The following ABCC4 variants were observed in gnomAD, a reference collection of about 807,000 sequenced individuals.
The protein encoded by ABCC4 is ATP-binding cassette sub-family C member 4.
In ABCC4, 102 loss-of-function variants were observed where a neutral mutation model predicts 168.5. That is an observed-to-expected ratio of 0.61 (90% confidence interval 0.52 to 0.71). The LOEUF is 0.71. Among genes scored for constraint, ABCC4 ranks in the 30% least tolerant of loss-of-function variants. The pLI is 0.00. For synonymous variants in ABCC4, 617 were observed against 590.7 expected (o/e 1.04, Z -0.65); for missense variants, 1,402 against 1,605.8 (o/e 0.87, Z 2.17).
intron 1 of ABCC4, among the ~76,000 whole-genome samples, chr13:95,255,873 T>C (rs1275393829): frequency 1.3e-5 from 2 of 152,196 alleles, no homozygotes; most frequent in Non-Finnish European, 2.9e-5. Context: ...ACAGCCTTCT[T>C]GTCTCCCTGT....
At chr13:95,028,468 C>A (rs1275769970) in intron 30 of ABCC4, among the ~76,000 whole-genome samples, 2 of 151,922 alleles carry the variant, frequency 1.3e-5, no homozygotes, top group Admixed American at 1.3e-4. Context: ...AAAAAACAAA[C>A]CGCTACCACC....
At chr13:95,240,123 G>A (rs548229263) in intron 3 of ABCC4, among the ~76,000 whole-genome samples, 2 of 152,176 alleles carry the variant, frequency 1.3e-5, no homozygotes, top group African/African-American at 4.8e-5. Context: ...GTACCAGATG[G>A]ACATGTTAAA....
At chr13:95,176,388 G>A (rs778416216) in intron 13 of ABCC4, among the ~76,000 whole-genome samples, 5 of 151,934 alleles carry the variant, frequency 3.3e-5, no homozygotes, top group Admixed American at 6.6e-5. Context: ...ACAGCTACCC[G>A]GGAGGCTGAG....
At chr13:95,120,031 C>G (rs915963245) in intron 19 of ABCC4, among the ~76,000 whole-genome samples, 2 of 151,486 alleles carry the variant, frequency 1.3e-5, no homozygotes, top group African/African-American at 4.9e-5. Context: ...AATATGTGAT[C>G]TCTTGTGTCT....
intron 20 of ABCC4, among the ~76,000 whole-genome samples, chr13:95,107,939 A>G (rs566832344): frequency 6.6e-6 from 1 of 152,086 alleles, no homozygotes; most frequent in East Asian, 1.9e-4. Flanking sequence ...ACCCCATCTC[A>G]AAAAAAAGAA....
intron 4 of ABCC4, among the ~76,000 whole-genome samples, chr13:95,218,503 T>C (rs1430392254): frequency 1.3e-5 from 2 of 152,218 alleles, no homozygotes; most frequent in Non-Finnish European, 2.9e-5. Flanking sequence ...AGGCTTTTGT[T>C]TGTGTTTCAC....
chr13:95,059,508 G>T (rs1023703512), intron 26 of ABCC4, among the ~76,000 whole-genome samples: 3 of 152,238 alleles, frequency 2.0e-5, no homozygotes, highest in Non-Finnish European at 2.9e-5. Context: ...CAAAGCATTA[G>T]AGGGGTACTG....
At chr13:95,236,023 T>C (rs4148455) in intron 3 of ABCC4, among the ~76,000 whole-genome samples, 123,840 of 152,074 alleles carry the variant, frequency 0.81, 50,626 homozygotes, top group Non-Finnish European at 0.86. Flanking sequence ...CTGAACAAGA[T>C]GTAGGGAATG....
intron 19 of ABCC4, among the ~76,000 whole-genome samples, chr13:95,152,682 A>AT (rs1285165617): frequency 6.6e-6 from 1 of 152,038 alleles, no homozygotes; most frequent in Non-Finnish European, 1.5e-5. Context: ...AAATATTCTG[A>AT]TTTTTTTTCC....
At chr13:95,298,534 C>G (rs1440367415) in intron 1 of ABCC4, among the ~76,000 whole-genome samples, 1 of 152,080 alleles carries the variant, frequency 6.6e-6, no homozygotes, top group East Asian at 1.9e-4. Flanking sequence ...CAAGTGATGC[C>G]GATGCTGCTG....
intron 27 of ABCC4, among the ~76,000 whole-genome samples, chr13:95,046,280 T>C (rs2032575223): frequency 6.6e-6 from 1 of 152,222 alleles, no homozygotes; most frequent in Non-Finnish European, 1.5e-5. Context: ...TTTGAAGAAA[T>C]AATCTCACAC....
intron 30 of ABCC4, among the ~76,000 whole-genome samples, chr13:95,023,281 T>C (rs1460308050): frequency 2.0e-5 from 3 of 152,214 alleles, no homozygotes; most frequent in Non-Finnish European, 4.4e-5. Flanking sequence ...CTTAGCTTCA[T>C]GGTCTGAAAT....
intron 30 of ABCC4, among the ~76,000 whole-genome samples, chr13:95,024,988 T>C (rs947826742): frequency 6.6e-6 from 1 of 151,906 alleles, no homozygotes; most frequent in Admixed American, 6.6e-5. Flanking sequence ...GCCTCAACAA[T>C]CATAGGAATT....
At chr13:95,291,633 A>G (rs1435531495) in intron 1 of ABCC4, among the ~76,000 whole-genome samples, 1 of 152,248 alleles carries the variant, frequency 6.6e-6, no homozygotes, top group African/African-American at 2.4e-5. Context: ...GCATAGGGAT[A>G]GAAGAGCAGT....
At chr13:95,108,260 A>C (rs2035077631) in intron 20 of ABCC4, among the ~76,000 whole-genome samples, 1 of 152,204 alleles carries the variant, frequency 6.6e-6, no homozygotes, top group Non-Finnish European at 1.5e-5. Flanking sequence ...CTCATATTAA[A>C]TGAGCATTAT....
intron 25 of ABCC4, among the ~76,000 whole-genome samples, chr13:95,064,315 T>C (rs2033439446): frequency 7.2e-6 from 1 of 139,370 alleles, no homozygotes; most frequent in Admixed American, 7.4e-5. Flanking sequence ...CACACACCAA[T>C]TGAATTTCTG....
At chr13:95,299,282 A>AG (rs1397881164) in intron 1 of ABCC4, among the ~76,000 whole-genome samples, 2 of 151,002 alleles carry the variant, frequency 1.3e-5, no homozygotes, top group Non-Finnish European at 2.9e-5. Flanking sequence ...AAAAAAAAAA[A>AG]AAGTTCCTTG....
At chr13:95,283,360 GGT>G (rs2041176734) in intron 1 of ABCC4, among the ~76,000 whole-genome samples, 11 of 124,640 alleles carry the variant, frequency 8.8e-5, no homozygotes, top group Admixed American at 4.9e-4. Context: ...GTTTTTCTGT[GGT>G]TTTTTTTTTT....
intron 1 of ABCC4, among the ~76,000 whole-genome samples, chr13:95,266,849 A>G (rs1459700574): frequency 6.7e-5 from 8 of 119,338 alleles, no homozygotes; most frequent in African/African-American, 1.3e-4. Context: ...TTTGAGATGG[A>G]GTTTCGCTCT....
Sources: allele counts gnomAD v4.1 joint callset (sites outside exome capture counted in the v4.1 genomes callset), GRCh38; gene constraint gnomAD v4.1.1; transcripts MANE v1.5; gene names NCBI Gene and HGNC (gene_info 2026-07-23, HGNC 2026-07-21).